Variants in PCDHGB2 observed in about 807,000 individuals in gnomAD.
PCDHGB2 encodes protocadherin gamma subfamily B, 2.
In PCDHGB2, 55 loss-of-function variants were observed where a neutral mutation model predicts 59.3. That is an observed-to-expected ratio of 0.93 (90% CI 0.75 to 1.16). PCDHGB2 has a LOEUF of 1.16. PCDHGB2 is among the 50% of genes most tolerant of loss of function. The pLI is 0.00. For missense variants in PCDHGB2, 1,228 were observed against 1,198.5 expected (o/e 1.02, Z -0.36); for synonymous variants, 516 against 512.0 (o/e 1.01, Z -0.11).
At chr5:141,443,728 C>T (rs1434984241) in intron 1 of PCDHGB2, among the ~76,000 whole-genome samples, 1 of 152,060 alleles carries the variant, frequency 6.6e-6, no homozygotes, top group Admixed American at 6.5e-5. Flanking sequence ...ATTCCTCATA[C>T]ATTTCCCTAT....
At chr5:141,398,923 G>A in intron 1 of PCDHGB2, 1 of 1,613,978 alleles carries the variant, frequency 6.2e-7, no homozygotes, top group Non-Finnish European at 8.5e-7. Context: ...GCAAGTGTCA[G>A]CCACTGACCA....
intron 1 of PCDHGB2, chr5:141,415,512 T>C (rs997659180): frequency 1.9e-6 from 3 of 1,614,234 alleles, no homozygotes; most frequent in Non-Finnish European, 2.5e-6. Context: ...AGCCCAATTA[T>C]GCGGACACGC....
chr5:141,479,676 G>A (rs2099503035), intron 1 of PCDHGB2: 1 of 152,242 alleles, frequency 6.6e-6, no homozygotes, highest in African/African-American at 2.4e-5. Context: ...CAAAAGGAGA[G>A]TCTTTTTGGT....
In PCDHGB2 at chr5:141,432,690, T is replaced by A. The variant is rs764124373; in HGVS notation, c.2422-62117T>A. 5.0e-6 allele frequency: 8 copies of A among 1,613,854 alleles called. No individual in the cohort carries two copies. The highest frequency in any genetic ancestry group is 2.7e-5 in the African/African-American group (2 of 74,940). ...GACGCGCTCAAGCAGAGCCTCGTAGTGGCCGTCCAGGACCACGGCCAGCCC... is the reference window on the plus strand; with the variant it reads ...GACGCGCTCAAGCAGAGCCTCGTAGAGGCCGTCCAGGACCACGGCCAGCCC... On this transcript the variant is annotated intron_variant, in intron 1 of 3. Coordinates refer to ENST00000522605, the MANE Select transcript of PCDHGB2 (RefSeq NM_018923.3). This position sits in a 1 kb window ranked among gnomAD's most constrained non-coding sequence, Gnocchi z 6.0.
chr5:141,365,347 C>T (rs762446364), intron 1 of PCDHGB2: 10 of 1,613,828 alleles, frequency 6.2e-6, no homozygotes, highest in East Asian at 2.2e-5. Context: ...CAGTACAGGA[C>T]GTGAATGACA....
At chr5:141,419,086 C>G (rs2096324558) in intron 1 of PCDHGB2, 1 of 1,613,808 alleles carries the variant, frequency 6.2e-7, no homozygotes, top group African/African-American at 1.3e-5. Context: ...CAGATGAGGC[C>G]CTGGATCGGG....
intron 1 of PCDHGB2, among the ~76,000 whole-genome samples, chr5:141,483,889 CT>C (rs1298469461): frequency 6.6e-6 from 1 of 151,866 alleles, no homozygotes; most frequent in Admixed American, 6.6e-5. Flanking sequence ...TTCTATTTCT[CT>C]GAGCTCTGGT....
intron 1 of PCDHGB2, chr5:141,423,311 T>G: frequency 2.5e-6 from 4 of 1,614,134 alleles, no homozygotes; most frequent in Non-Finnish European, 3.4e-6. Flanking sequence ...CTGTACTTGG[T>G]GGTGGCGGTG....
intron 1 of PCDHGB2, chr5:141,364,103 C>A (rs575957272): frequency 7.3e-6 from 3 of 411,130 alleles, no homozygotes; most frequent in Middle Eastern, 6.3e-4. Flanking sequence ...GATGCAGTCA[C>A]TGGTTAGGAC....
intron 1 of PCDHGB2, chr5:141,377,844 A>G (rs911815564): frequency 2.0e-5 from 3 of 152,180 alleles, no homozygotes; most frequent in South Asian, 2.1e-4. Context: ...TTATCTTCCA[A>G]TTAAAATTAA....
intron 1 of PCDHGB2, chr5:141,413,097 C>T (rs531228946): frequency 1.4e-6 from 2 of 1,447,922 alleles, no homozygotes; most frequent in African/African-American, 1.4e-5. Flanking sequence ...CACCCTGAAG[C>T]CACAGAAAGA....
At chr5:141,480,414 C>CA (rs10712552) in intron 1 of PCDHGB2, among the ~76,000 whole-genome samples, 44 of 147,474 alleles carry the variant, frequency 3.0e-4, no homozygotes, top group Non-Finnish European at 4.4e-4. Context: ...GACCCTGTCT[C>CA]AAAAAAAAAA....
rs1561869034 is a variant in PCDHGB2 at position 141,433,357 on chromosome 5, G to GT, written c.2422-61450_2422-61449insT. On this transcript the variant is annotated intron_variant, in intron 1 of 3. Transcript: ENST00000522605. ...TACAGGTGCAAGCCACCTACTGTCT[G>GT]CCTATCTATCTATCTATCTATCTAT... 125 of 569,056 alleles carry GT rather than the reference G, an allele frequency of 2.2e-4. No homozygotes were observed. In the African/African-American group the frequency reaches 2.4e-3, roughly 11 times the overall value. The allele number at this position is 569,056 out of a possible 1,614,324, so 35.3% of individuals were successfully genotyped here. A position where few individuals can be genotyped will look rare whatever the true frequency, so the allele number is the denominator to read the frequency against.
At chr5:141,407,980 C>T in intron 1 of PCDHGB2, 1 of 760,358 alleles carries the variant, frequency 1.3e-6, no homozygotes, top group Non-Finnish European at 2.0e-6. Context: ...CGCCGGGGAT[C>T]CGTCAGCCTC....
chr5:141,481,179 T>C (rs115525079), intron 1 of PCDHGB2, among the ~76,000 whole-genome samples: 16 of 152,358 alleles, frequency 1.1e-4, no homozygotes, highest in African/African-American at 3.6e-4. Flanking sequence ...TCCAGCTTTA[T>C]TGGGCCAGGC....
At chr5:141,389,311 A>C in intron 1 of PCDHGB2, 2 of 1,613,988 alleles carry the variant, frequency 1.2e-6, no homozygotes, top group Non-Finnish European at 1.7e-6. Context: ...AGGGCTTCTG[A>C]TCCGGACTTG....
At chr5:141,375,126 T>C (rs752210240) in intron 1 of PCDHGB2, 10 of 1,613,870 alleles carry the variant, frequency 6.2e-6, no homozygotes, top group African/African-American at 2.7e-5. Flanking sequence ...CCAGAAGTGG[T>C]TGTTACATCT....
At chr5:141,437,999 C>T (rs1230507077) in intron 1 of PCDHGB2, among the ~76,000 whole-genome samples, 1 of 152,062 alleles carries the variant, frequency 6.6e-6, no homozygotes, top group African/African-American at 2.4e-5. Flanking sequence ...CCTCAGCCTC[C>T]CAAATAGCTG....
intron 1 of PCDHGB2, chr5:141,423,526 A>G (rs1229909527): frequency 6.2e-7 from 1 of 1,613,690 alleles, no homozygotes; most frequent in Non-Finnish European, 8.5e-7. Flanking sequence ...CTCGCAGAAG[A>G]GTCACCTGAT....
Sources: allele counts gnomAD v4.1 joint callset (sites outside exome capture counted in the v4.1 genomes callset), GRCh38; gene constraint gnomAD v4.1.1; non-coding constraint Gnocchi (gnomAD v3.1); transcripts MANE v1.5; gene names NCBI Gene and HGNC (gene_info 2026-07-23, HGNC 2026-07-21).